Variants in GARRE1 observed in about 807,000 individuals in gnomAD.
The protein encoded by GARRE1 is granule associated Rac and RHOG effector 1, also known as granule associated Rac and RHOG effector protein 1.
In GARRE1, 49 loss-of-function variants were observed where a neutral mutation model predicts 103.2. The ratio of observed to expected loss-of-function variants is 0.47; its 90% CI spans 0.38 to 0.60. GARRE1 has a LOEUF of 0.60. Among genes scored for constraint, GARRE1 ranks in the 20% least tolerant of loss-of-function variants. The probability of loss-of-function intolerance (pLI) is 0.00; values close to 1 mark genes in which losing one functional copy is unlikely to be tolerated. For missense variants in GARRE1, 1,199 were observed against 1,370.5 expected, an observed-to-expected ratio of 0.87 and a Z score of 1.98; for synonymous variants, 505 against 532.8, an observed-to-expected ratio of 0.95 and a Z score of 0.72.
At chr19:34,306,455 T>G (rs543321180) in intron 2 of GARRE1, among the ~76,000 whole-genome samples, 14 of 152,354 alleles carry the variant, frequency 9.2e-5, no homozygotes, top group African/African-American at 3.1e-4. Context: ...GATGCCTTTG[T>G]CCAGGAATGG....
At chr19:34,291,587 G>T (rs570583322) in intron 1 of GARRE1, among the ~76,000 whole-genome samples, 1 of 152,254 alleles carries the variant, frequency 6.6e-6, no homozygotes, top group Non-Finnish European at 1.5e-5. Context: ...AGCAAGAGAT[G>T]GTTGAACTTC....
chr19:34,328,744 A>G (rs1300800075), intron 6 of GARRE1, among the ~76,000 whole-genome samples: 4 of 151,898 alleles, frequency 2.6e-5, no homozygotes, highest in African/African-American at 7.3e-5. Flanking sequence ...AGTAGCTGGG[A>G]CTACAAGCAT....
chr19:34,261,207 A>G (rs763010288), intron 1 of GARRE1, among the ~76,000 whole-genome samples: 2 of 152,152 alleles, frequency 1.3e-5, no homozygotes, highest in South Asian at 2.1e-4. Context: ...AGCTGCTTGG[A>G]TCAGATCCTG....
chr19:34,292,453 T>C (rs185337353), intron 1 of GARRE1, among the ~76,000 whole-genome samples: 1 of 152,334 alleles, frequency 6.6e-6, no homozygotes, highest in East Asian at 1.9e-4. Flanking sequence ...CAGGTTTTTG[T>C]TTGGACATAT....
intron 13 of GARRE1, 91 bp downstream of exon 13, chr19:34,351,683 G>A (rs2074238205): frequency 1.1e-6 from 1 of 876,504 alleles, no homozygotes; most frequent in South Asian, 1.4e-5. Context: ...GATCTTCTTT[G>A]TGGTGATTAA....
rs542184268 is a variant in GARRE1, at chr19:34,285,224, G to A, written c.-795-14455G>A. ...TGTACCCATCACCTAACTTCCAACA[G>A]TATTTTGTCAGGGGATATTATGATC... On this transcript the variant is annotated intron_variant, in intron 1 of 13. Coordinates refer to ENST00000299505, the MANE Select transcript of GARRE1 (RefSeq NM_014686.5). 2.0e-5 allele frequency: 3 copies of A among 152,238 alleles called. No homozygotes were observed. In the South Asian group the frequency reaches 6.2e-4, roughly 32 times the overall value. 9.4% of individuals were successfully genotyped at this position (152,238 alleles called of 1,614,324 possible).
chr19:34,329,416 C>A (rs34792610), intron 6 of GARRE1, among the ~76,000 whole-genome samples: 17,023 of 152,172 alleles, frequency 0.11, 1,109 homozygotes, highest in East Asian at 0.19. Context: ...TATAGAAATA[C>A]CTGTGTATAT....
Position 34,347,858 on chromosome 19 carries a change from T to C in GARRE1, c.2522-19T>C, listed in dbSNP as rs771552033. ...CCAGTTTGTCCCCAAACCCGGTTTA[T>C]TCCTTTGTCCCAATGCAGTGGGCTC... On this transcript the variant is annotated intron_variant, in intron 10 of 13. Transcript: ENST00000299505. 1.3e-6 allele frequency: 2 copies of C among 1,504,798 alleles called. No individual in the cohort carries two copies. The highest frequency in any genetic ancestry group is 1.3e-5 in the South Asian group (1 of 78,078). 93.2% of individuals were successfully genotyped at this position (1,504,798 alleles called of 1,614,324 possible).
At chr19:34,340,406 G>A (rs1236423284) in intron 9 of GARRE1, among the ~76,000 whole-genome samples, 2 of 148,232 alleles carry the variant, frequency 1.3e-5, no homozygotes, top group African/African-American at 4.9e-5. Context: ...ATCTGGTAGT[G>A]GCCTTAAACA....
chr19:34,299,297 T>G (rs541875116), intron 1 of GARRE1, among the ~76,000 whole-genome samples: 1 of 152,334 alleles, frequency 6.6e-6, no homozygotes, highest in African/African-American at 2.4e-5. Flanking sequence ...CCATAAAGTT[T>G]ATGAGTGCTG....
intron 1 of GARRE1, 37 bp downstream of exon 1, chr19:34,254,651 G>GCGGGCGGGGT (rs996878026): frequency 3.4e-5 from 5 of 146,648 alleles, no homozygotes; most frequent in Admixed American, 1.4e-4. Flanking sequence ...GCGGGGGCTG[G>GCGGGCGGGGT]CGGGCGGGGT....
intron 8 of GARRE1, 53 bp downstream of exon 8, chr19:34,333,854 A>G (rs2074148938): frequency 2.9e-6 from 3 of 1,038,918 alleles, no homozygotes; most frequent in Non-Finnish European, 3.0e-6. Flanking sequence ...ACGTTTGCAC[A>G]TCTTTGAAAT....
chr19:34,317,474 G>A (rs2074065275), intron 2 of GARRE1, among the ~76,000 whole-genome samples: 1 of 152,218 alleles, frequency 6.6e-6, no homozygotes, highest in Non-Finnish European at 1.5e-5. Flanking sequence ...TGAGGAAGGA[G>A]TGGGAGGAAT....
rs1357105346 is a variant in GARRE1, at chr19:34,257,947, T to C, written c.-796+3333T>C. On this transcript the variant is annotated intron_variant, in intron 1 of 13. Transcript: ENST00000299505. ...CTCTGTTGCCCAGACTGGAGTGCAGTGGCTCGGTCTCAGCTCACTGCAACC... is the reference window on the plus strand; with the variant it reads ...CTCTGTTGCCCAGACTGGAGTGCAGCGGCTCGGTCTCAGCTCACTGCAACC... Among the ~76,000 whole-genome samples the C allele has an allele frequency of 3.3e-5, 5 of 150,760 alleles. No homozygotes were observed. The East Asian group carries it at 9.8e-4, about 29-fold the overall frequency.
intron 6 of GARRE1, among the ~76,000 whole-genome samples, chr19:34,329,121 TA>T (rs1428988554): frequency 6.6e-6 from 1 of 152,222 alleles, no homozygotes; most frequent in Non-Finnish European, 1.5e-5. Context: ...TTGTCTCACT[TA>T]ATGCTCACCC....
At chr19:34,336,259 G>A (rs2074160692) in intron 8 of GARRE1, among the ~76,000 whole-genome samples, 1 of 152,068 alleles carries the variant, frequency 6.6e-6, no homozygotes, top group South Asian at 2.1e-4. Flanking sequence ...CCAAAGTGCT[G>A]GGATTGCAGG....
chr19:34,306,048 A>G (rs1286151742), intron 2 of GARRE1, among the ~76,000 whole-genome samples: 1 of 152,186 alleles, frequency 6.6e-6, no homozygotes, highest in Non-Finnish European at 1.5e-5. Flanking sequence ...TGTTTCTGGA[A>G]TTTATGTACT....
chr19:34,281,436 G>A (rs1243833120), intron 1 of GARRE1, among the ~76,000 whole-genome samples: 3 of 152,138 alleles, frequency 2.0e-5, no homozygotes, highest in Admixed American at 1.3e-4. Context: ...GACTACAGAC[G>A]CCTGCCACTA....
At chr19:34,314,826 T>G (rs556998557) in intron 2 of GARRE1, among the ~76,000 whole-genome samples, 1 of 152,352 alleles carries the variant, frequency 6.6e-6, no homozygotes, top group African/African-American at 2.4e-5. Context: ...TCTTTGTAAG[T>G]ACTTTCTATA....
Sources: gnomAD v4.1 joint callset for allele counts (sites outside exome capture counted in the v4.1 genomes callset) on GRCh38, gnomAD v4.1.1 for gene constraint, MANE v1.5 for transcripts, NCBI Gene and HGNC (gene_info 2026-07-23, HGNC 2026-07-21) for gene names.